Variants in PARVB observed in about 807,000 individuals in gnomAD.
PARVB encodes beta-parvin.
In PARVB, 46 loss-of-function variants were observed where a neutral mutation model predicts 47.0. The observed-to-expected ratio is 0.98, with a 90% CI of 0.77 to 1.25. PARVB has a LOEUF of 1.25. PARVB is among the 50% of genes most tolerant of loss of function. The probability of loss-of-function intolerance (pLI) is 0.00; values close to 1 mark genes in which losing one functional copy is unlikely to be tolerated. For missense variants in PARVB, 473 were observed against 471.6 expected (o/e 1.00, Z -0.03); for synonymous variants, 196 against 196.3 (o/e 1.00, Z 0.01).
intron 2 of PARVB, among the ~76,000 whole-genome samples, chr22:44,011,560 G>A (rs2050523653): frequency 6.6e-6 from 1 of 152,138 alleles, no homozygotes; most frequent in South Asian, 2.1e-4. Context: ...GGGAGGCAGA[G>A]GTTGCAGTGA....
intron 3 of PARVB, among the ~76,000 whole-genome samples, chr22:44,118,306 G>T (rs996355021): frequency 6.6e-6 from 1 of 152,228 alleles, no homozygotes; most frequent in Non-Finnish European, 1.5e-5. Flanking sequence ...ACACATGAAA[G>T]GGCAGACATC....
chr22:44,127,795 TTTTC>T (rs2053221583), intron 4 of PARVB, among the ~76,000 whole-genome samples: 1 of 111,318 alleles, frequency 9.0e-6, no homozygotes, highest in African/African-American at 3.0e-5. Flanking sequence ...CTTTTTTTTT[TTTTC>T]TCTTGAGATA....
chr22:44,061,551 TGTGAGACCTCAGACAAGAAGGCA>T (rs1555897832), intron 1 of PARVB, among the ~76,000 whole-genome samples: 1 of 152,180 alleles, frequency 6.6e-6, no homozygotes, highest in Non-Finnish European at 1.5e-5. Flanking sequence ...TTGTTTATGA[TGTGAGACCTCAGACAAGAAGGCA>T]GAGCGCCCCG....
intron 4 of PARVB, among the ~76,000 whole-genome samples, chr22:44,120,913 A>G (rs1394537364): frequency 6.6e-6 from 1 of 151,316 alleles, no homozygotes; most frequent in African/African-American, 2.4e-5. Context: ...GTGCGATCTC[A>G]GCTCACTGCA....
chr22:44,042,368 C>G (rs968935513), intron 1 of PARVB, among the ~76,000 whole-genome samples: 1 of 151,882 alleles, frequency 6.6e-6, no homozygotes, highest in South Asian at 2.1e-4. Flanking sequence ...TTGCGGTGAG[C>G]CGAGATTGTG....
rs138684097 is a variant in PARVB at position 44,172,863 on chromosome 22, G to T, written c.*4185G>T. Reference sequence around the variant, plus strand: ...GCAACACCGGGCAAACACTTCTTCCGCCAGGGATGCGGTTAGGACAATGCC... The same window carrying T: ...GCAACACCGGGCAAACACTTCTTCCTCCAGGGATGCGGTTAGGACAATGCC... On this transcript the variant is annotated 3_prime_UTR_variant, in exon 13 of 13. Transcript: ENST00000338758. The T allele has an allele frequency of 1.9e-5, 16 of 826,358 alleles. No homozygotes were observed. Among genetic ancestry groups the T allele is most frequent in the African/African-American group, 9.1e-5 (5 of 54,998 alleles). The allele number at this position is 826,358 out of a possible 1,614,324, so 51.2% of individuals were successfully genotyped here. A position where few individuals can be genotyped will look rare whatever the true frequency, so the allele number is the denominator to read the frequency against.
chr22:44,032,040 A>C (rs2050835520), intron 1 of PARVB, among the ~76,000 whole-genome samples: 1 of 152,228 alleles, frequency 6.6e-6, no homozygotes, highest in Non-Finnish European at 1.5e-5. Flanking sequence ...GCTGCAAAAC[A>C]GATTAATAAG....
intron 6 of PARVB, among the ~76,000 whole-genome samples, chr22:44,133,980 C>T (rs1003444241): frequency 1.3e-5 from 2 of 152,208 alleles, no homozygotes; most frequent in African/African-American, 2.4e-5. Flanking sequence ...ACATGCCTGG[C>T]GTCTGTGGGG....
chr22:44,150,360 A>C (rs1008181133), intron 9 of PARVB: 5 of 151,422 alleles, frequency 3.3e-5, no homozygotes, highest in African/African-American at 1.2e-4. Context: ...CCCTGGGTGG[A>C]TCTCCCCATG....
intron 1 of PARVB, among the ~76,000 whole-genome samples, chr22:44,042,913 C>T (rs534957193): frequency 2.6e-4 from 39 of 152,226 alleles, no homozygotes; most frequent in African/African-American, 8.9e-4. Flanking sequence ...TGATCAGAAC[C>T]AGAGAATGAG....
chr22:44,019,535 TAAAG>T (rs1044780675), upstream of PARVB, among the ~76,000 whole-genome samples: 3 of 152,200 alleles, frequency 2.0e-5, no homozygotes, highest in Non-Finnish European at 2.9e-5. Flanking sequence ...TGGTAATTAA[TAAAG>T]AAAAGAGGTT....
At chr22:44,037,144 A>G (rs760202700) in intron 1 of PARVB, among the ~76,000 whole-genome samples, 1 of 151,964 alleles carries the variant, frequency 6.6e-6, no homozygotes, top group Non-Finnish European at 1.5e-5. Flanking sequence ...CAATATAGTG[A>G]GACCTCGTCT....
At chr22:44,119,652 G>A (rs932718993) in intron 4 of PARVB, 10 of 430,046 alleles carry the variant, frequency 2.3e-5, no homozygotes, top group African/African-American at 1.8e-4. Flanking sequence ...CAGACAAACC[G>A]GTTGTTTATT....
At chr22:44,094,968 G>A (rs547433041) in intron 2 of PARVB, among the ~76,000 whole-genome samples, 52 of 151,616 alleles carry the variant, frequency 3.4e-4, no homozygotes, top group South Asian at 6.2e-4. Context: ...ATGGTGTGGC[G>A]TGGCGTGGCA....
chr22:44,100,021 C>A, intron 2 of PARVB, 32 bp from the exon 3 acceptor site: 1 of 1,595,754 alleles, frequency 6.3e-7, no homozygotes, highest in Non-Finnish European at 8.6e-7. Context: ...CCCCCACAAT[C>A]GCTGACCGTG....
chr22:44,119,253 C>T (rs1376974535), intron 4 of PARVB, 113 bp downstream of exon 4: 1 of 767,990 alleles, frequency 1.3e-6, no homozygotes, highest in Non-Finnish European at 2.3e-6. Flanking sequence ...GGAAGACACT[C>T]AAAGCTGCAG....
chr22:44,099,661 G>T (rs1186547785), intron 2 of PARVB, among the ~76,000 whole-genome samples: 2 of 152,042 alleles, frequency 1.3e-5, no homozygotes, highest in East Asian at 3.9e-4. Context: ...CTCTTCAAAT[G>T]TATTTATAAA....
At chr22:44,003,248 C>G (rs2050430581) in intron 2 of PARVB, among the ~76,000 whole-genome samples, 1 of 152,152 alleles carries the variant, frequency 6.6e-6, no homozygotes, top group Admixed American at 6.5e-5. Context: ...GAGTCAGAGA[C>G]CCAAATACAA....
At chr22:44,142,435 G>A (rs1157070922) in intron 8 of PARVB, 2 of 136,512 alleles carry the variant, frequency 1.5e-5, no homozygotes, top group African/African-American at 5.5e-5. Flanking sequence ...GGCCCCTCAA[G>A]CATTTTTGAG....
Sources: gnomAD v4.1 joint callset for allele counts (sites outside exome capture counted in the v4.1 genomes callset) on GRCh38, gnomAD v4.1.1 for gene constraint, MANE v1.5 for transcripts, NCBI Gene and HGNC (gene_info 2026-07-23, HGNC 2026-07-21) for gene names.